Variants in ADGRV1 observed in about 807,000 individuals in gnomAD.
ADGRV1 encodes G-protein coupled receptor 98.
A neutral mutation model predicts 596.2 loss-of-function variants in ADGRV1; 359 were observed. The observed-to-expected ratio is 0.60, with a 90% CI of 0.55 to 0.66. ADGRV1 has a LOEUF of 0.66. Ranked by LOEUF, ADGRV1 falls within the 30% of genes least tolerant of loss-of-function variation. The probability of loss-of-function intolerance (pLI) is 0.00; values close to 1 mark genes in which losing one functional copy is unlikely to be tolerated. For missense variants in ADGRV1, 7,274 were observed against 7,575.6 expected (o/e 0.96, Z 1.48); for synonymous variants, 2,681 against 2,679.2 (o/e 1.00, Z -0.02).
chr5:90,824,184 G>A (rs183051900), intron 76 of ADGRV1, among the ~76,000 whole-genome samples: 7 of 152,086 alleles, frequency 4.6e-5, no homozygotes, highest in Admixed American at 3.9e-4. Context: ...TTTCTTTTTG[G>A]TATTCAAATA....
intron 86 of ADGRV1, 27 bp from the exon 87 acceptor site, chr5:91,102,192 C>G: frequency 6.3e-7 from 1 of 1,587,128 alleles, no homozygotes; most frequent in Non-Finnish European, 8.6e-7. Context: ...TTCTGAAGCT[C>G]AAAAATTCTT....
intron 78 of ADGRV1, among the ~76,000 whole-genome samples, chr5:90,847,147 T>G (rs965942179): frequency 2.0e-5 from 3 of 152,178 alleles, no homozygotes; most frequent in Non-Finnish European, 4.4e-5. Flanking sequence ...AATTGGTGCA[T>G]TCACAAACCC....
Position 90,711,173 on chromosome 5 carries a change from C to A in ADGRV1, c.8904-11C>A, listed in dbSNP as rs1449095262. On this transcript the variant is annotated splice_polypyrimidine_tract_variant and intron_variant, in intron 40 of 89. Transcript: ENST00000405460. Reference sequence around the variant, plus strand: ...TTTTTTGTTTGTTTTTGTTTTTTTGCTATATTATAGGTTTGAAGTAAATGA... The same window carrying A: ...TTTTTTGTTTGTTTTTGTTTTTTTGATATATTATAGGTTTGAAGTAAATGA... 1 of 1,588,818 alleles carries A rather than the reference C, an allele frequency of 6.3e-7. No homozygotes were observed. The highest frequency in any genetic ancestry group is 1.9e-5 in the Admixed American group (1 of 53,972).
At chr5:90,934,858 A>G (rs1429172616) in intron 83 of ADGRV1, among the ~76,000 whole-genome samples, 1 of 151,968 alleles carries the variant, frequency 6.6e-6, no homozygotes, top group Non-Finnish European at 1.5e-5. Flanking sequence ...TGCTCACATG[A>G]CCTCTTCTGT....
chr5:90,919,223 C>A (rs1773653482), intron 83 of ADGRV1, among the ~76,000 whole-genome samples: 1 of 152,200 alleles, frequency 6.6e-6, no homozygotes, highest in African/African-American at 2.4e-5. Flanking sequence ...TTCCTTTTAG[C>A]CCAAATCTAC....
chr5:90,654,778 C>G (rs1769163771), intron 20 of ADGRV1: 1 of 152,040 alleles, frequency 6.6e-6, no homozygotes, highest in African/African-American at 2.4e-5. Flanking sequence ...AAGGAAAATG[C>G]ACGTATCTAC....
chr5:90,947,067 A>G (rs868329052), intron 83 of ADGRV1, among the ~76,000 whole-genome samples: 1 of 152,156 alleles, frequency 6.6e-6, no homozygotes, highest in Admixed American at 6.5e-5. Context: ...TTGAATTATT[A>G]CATTCCCACT....
chr5:90,611,135 A>G (rs1762686504), intron 1 of ADGRV1, among the ~76,000 whole-genome samples: 1 of 151,846 alleles, frequency 6.6e-6, no homozygotes, highest in Non-Finnish European at 1.5e-5. Flanking sequence ...CATGATGTAC[A>G]GGTACACAAT....
chr5:90,582,707 A>C (rs2151978039), intron 1 of ADGRV1, among the ~76,000 whole-genome samples: 1 of 152,168 alleles, frequency 6.6e-6, no homozygotes, highest in East Asian at 1.9e-4. Flanking sequence ...TGGGACTATC[A>C]GTGTGCACCA....
rs1250073917 is a variant in ADGRV1, at chr5:90,708,876, A to G, written c.8791A>G (p.Met2931Val). 8.1e-6 allele frequency: 13 copies of G among 1,612,232 alleles called. No individual in the cohort carries two copies. The highest frequency in any genetic ancestry group is 2.2e-5 in the South Asian group (2 of 90,942). ...GAATTTAACTTACGTTGGACTTACC[A>G]TGGCTGCTTCAACTTCATTTCCTCC... The part of the protein sequence containing the change: ...LVNLTYVGLT[M>V]AASTSFPPRL... The change falls in exon 39 of 90, where the codon ATG becomes GTG. Residue 2931 changes from methionine (M) to valine (V), a missense_variant. By Grantham distance (21) the Met-to-Val change is conservative. Around this residue, in one of 5 missense-constraint regions of ADGRV1, gnomAD observed 3,643 missense variants for 3,809.2 expected, o/e 0.96. Transcript: ENST00000405460.
intron 1 of ADGRV1, among the ~76,000 whole-genome samples, chr5:90,605,420 A>G (rs1342630961): frequency 6.6e-6 from 1 of 151,892 alleles, no homozygotes; most frequent in Non-Finnish European, 1.5e-5. Context: ...TCTTAAAAAA[A>G]AAAAAAAAAG....
rs1561406424 is a variant in ADGRV1 at position 90,625,143 on chromosome 5, C to T, written c.572C>T (p.Pro191Leu). ...GTTTCTTTGCAGGTAGAGGGTGGCC[C>T]AAATCCCCCTGATGAAGATTTGAGT... ...VMVTFEVEGG[P>L]NPPDEDLSPV... is the part of the protein sequence containing the mutation. The change falls in exon 6 of 90, where the codon CCA becomes CTA. Residue 191 changes from proline (P) to leucine (L), a missense_variant. By Grantham distance (98) the Pro-to-Leu change is moderately conservative (BLOSUM62 -3). Coordinates refer to ENST00000405460, the MANE Select transcript of ADGRV1 (RefSeq NM_032119.4). 1 of 1,610,430 alleles carries T rather than the reference C, an allele frequency of 6.2e-7. No individual in the cohort carries two copies. The highest frequency in any genetic ancestry group is 8.5e-7 in the Non-Finnish European group (1 of 1,177,638).
At chr5:91,083,369 T>C (rs964609366) in intron 86 of ADGRV1, among the ~76,000 whole-genome samples, 3 of 152,118 alleles carry the variant, frequency 2.0e-5, no homozygotes, top group African/African-American at 7.2e-5. Context: ...TGTGCACATG[T>C]ACCCTAGAAC....
chr5:90,789,066 A>G lies in ADGRV1; in HGVS notation c.13894-636A>G, dbSNP rs570161727. Among the ~76,000 whole-genome samples, 20 of 152,320 alleles carry G rather than the reference A, an allele frequency of 1.3e-4. No individual in the cohort carries two copies. In the South Asian group the frequency reaches 4.1e-3, roughly 32 times the overall value. ...AGCAGTTCAGTAAGCTAAAAACTCAAGCAGGATTCCTAAGTTACAGTCTTG... is the reference window on the plus strand; with the variant it reads ...AGCAGTTCAGTAAGCTAAAAACTCAGGCAGGATTCCTAAGTTACAGTCTTG... On this transcript the variant is annotated intron_variant, in intron 68 of 89. Transcript: ENST00000405460.
chr5:90,627,577 G>A lies in ADGRV1; in HGVS notation c.1039G>A (p.Val347Ile). 6.2e-7 allele frequency: 1 copy of A among 1,613,772 alleles called. No individual in the cohort carries two copies. Among genetic ancestry groups the A allele is most frequent in the Non-Finnish European group, 8.5e-7 (1 of 1,179,808 alleles). Residue 347 changes from valine to isoleucine, a missense_variant, in exon 7 of 90, where the codon GTT becomes ATT. By Grantham distance (29) the Val-to-Ile change is conservative. Transcript: ENST00000405460. ...IHESHLKFQI[V>I]DDTIPEIAES... ...TGAATCTCACTTGAAATTTCAAATA[G>A]TTGATGACACCATACCGGAGATTGC...
At chr5:90,601,555 A>T (rs1761412066) in intron 1 of ADGRV1, among the ~76,000 whole-genome samples, 1 of 152,246 alleles carries the variant, frequency 6.6e-6, no homozygotes, top group South Asian at 2.1e-4. Context: ...AAACAGAAAA[A>T]CATTGGACTT....
At chr5:90,660,023 T>C (rs1168819441) in intron 21 of ADGRV1, among the ~76,000 whole-genome samples, 1 of 150,968 alleles carries the variant, frequency 6.6e-6, no homozygotes, top group Admixed American at 6.6e-5. Context: ...CACAAGACTC[T>C]GTCTCAGAGA....
At chr5:91,014,621 G>T (rs1391413722) in intron 85 of ADGRV1, among the ~76,000 whole-genome samples, 1 of 73,908 alleles carries the variant, frequency 1.4e-5, no homozygotes, top group African/African-American at 7.5e-5. Flanking sequence ...TTCAGTCTTG[G>T]GAAAGTATAT....
chr5:90,635,275 T>C lies in ADGRV1; in HGVS notation c.2001T>C (p.Asp667=), dbSNP rs9293547. The part of the protein sequence containing the change: ...NLPIILHEPE[D]FAAEVVYIPL... Reference sequence around the variant, plus strand: ...CAATTATTTTGCATGAACCAGAAGATTTTGCTGCTGAAGTGGTAAGTAGGC... The same window carrying C: ...CAATTATTTTGCATGAACCAGAAGACTTTGCTGCTGAAGTGGTAAGTAGGC... The change falls in exon 10 of 90, where the codon GAT becomes GAC. Residue 667 remains aspartate (D), a synonymous_variant. Coordinates refer to ENST00000405460, the MANE Select transcript of ADGRV1 (RefSeq NM_032119.4). The C allele has an allele frequency of 3.3e-3, 5,365 of 1,611,100 alleles. 152 individuals carry two copies. In the African/African-American group the frequency reaches 0.063, roughly 19 times the overall value.
Sources: gnomAD v4.1 joint callset for allele counts (sites outside exome capture counted in the v4.1 genomes callset) on GRCh38, gnomAD v4.1.1 for gene constraint, gnomAD v4.1.1 regional missense constraint, MANE v1.5 for transcripts, NCBI Gene and HGNC (gene_info 2026-07-23, HGNC 2026-07-21) for gene names.